Variants in NETO2 observed in about 807,000 individuals in gnomAD.
NETO2 encodes neuropilin and tolloid like 2, also known as neuropilin and tolloid-like protein 2.
NETO2 carries 28 observed loss-of-function variants against 62.5 expected under a neutral mutation model. The ratio of observed to expected loss-of-function variants is 0.45; its 90% CI spans 0.33 to 0.61. NETO2 has a LOEUF of 0.61. Among genes scored for constraint, NETO2 ranks in the 20% least tolerant of loss-of-function variants. NETO2 has a pLI of 0.02. For missense variants in NETO2, 548 were observed against 643.2 expected (o/e 0.85, Z 1.60); for synonymous variants, 214 against 219.1 (o/e 0.98, Z 0.21).
chr16:47,099,382 A>G (rs1405507530), intron 7 of NETO2, among the ~76,000 whole-genome samples: 1 of 152,190 alleles, frequency 6.6e-6, no homozygotes, highest in Non-Finnish European at 1.5e-5. Context: ...GACCATTGAC[A>G]CTATGAAGAA....
chr16:47,138,562 G>C (rs1964402546), intron 1 of NETO2, among the ~76,000 whole-genome samples: 1 of 152,186 alleles, frequency 6.6e-6, no homozygotes, highest in African/African-American at 2.4e-5. Flanking sequence ...CAGGAAACTG[G>C]TAAATAGTCT....
At chr16:47,134,842 C>T (rs971483577) in intron 1 of NETO2, among the ~76,000 whole-genome samples, 1 of 152,154 alleles carries the variant, frequency 6.6e-6, no homozygotes, top group African/African-American at 2.4e-5. Context: ...ATGAAATTTG[C>T]ACAGAATACA....
chr16:47,128,244 A>T, intron 4 of NETO2, 81 bp downstream of exon 4: 1 of 1,484,238 alleles, frequency 6.7e-7, no homozygotes, highest in Non-Finnish European at 9.0e-7. Context: ...TGACCAAATT[A>T]ATCTCTTTTC....
In NETO2 at chr16:47,083,376, T is replaced by C; in HGVS notation, c.1423A>G (p.Asn475Asp). The C allele has an allele frequency of 6.2e-7, 1 of 1,614,260 alleles. No homozygotes were observed. Among genetic ancestry groups the C allele is most frequent in the Non-Finnish European group, 8.5e-7 (1 of 1,180,042 alleles). ...TAACTACTTTTCTTGAAGGTGCTATTAAATGTTTTCATTGGCTGTGGTTGT... is the reference window on the plus strand; with the variant it reads ...TAACTACTTTTCTTGAAGGTGCTATCAAATGTTTTCATTGGCTGTGGTTGT... ...FAQPQPMKTF[N>D]STFKKSSYTF... The change falls in exon 9 of 9, where the codon AAT (asparagine) becomes GAT (aspartate). Residue 475 changes from asparagine (N) to aspartate (D), a missense_variant. Asn to Asp is a conservative substitution (Grantham distance 23, BLOSUM62 1). Transcript: ENST00000562435.
At chr16:47,103,519 C>A (rs893087669) in intron 7 of NETO2, among the ~76,000 whole-genome samples, 5 of 151,942 alleles carry the variant, frequency 3.3e-5, no homozygotes, top group African/African-American at 9.7e-5. Flanking sequence ...TCTATGAGGC[C>A]AGAACTAGTT....
chr16:47,131,136 C>A (rs1321140731), intron 2 of NETO2, among the ~76,000 whole-genome samples: 1 of 151,026 alleles, frequency 6.6e-6, no homozygotes, highest in African/African-American at 2.4e-5. Flanking sequence ...TAATGTAAAT[C>A]CTGAATACTG....
chr16:47,107,773 T>C (rs1045840376), intron 7 of NETO2, among the ~76,000 whole-genome samples: 5 of 152,184 alleles, frequency 3.3e-5, no homozygotes, highest in Non-Finnish European at 7.4e-5. Flanking sequence ...GTTAGTATCA[T>C]AGAAAACAAT....
chr16:47,083,191 C>T lies in NETO2; in HGVS notation c.*30G>A. ...CCTGGAGGCTGCGTACGTACACACC[C>T]TAAGAATTCACATCACCATTAGCAG... On this transcript the variant is annotated 3_prime_UTR_variant, in exon 9 of 9. Transcript: ENST00000562435. 12 of 1,574,996 alleles carry T rather than the reference C, an allele frequency of 7.6e-6. No homozygotes were observed. Among genetic ancestry groups the T allele is most frequent in the Non-Finnish European group, 1.0e-5 (12 of 1,158,294 alleles).
intron 7 of NETO2, among the ~76,000 whole-genome samples, chr16:47,100,140 C>G (rs375250507): frequency 6.6e-6 from 1 of 152,158 alleles, no homozygotes; most frequent in Non-Finnish European, 1.5e-5. Context: ...CAAATTAGAA[C>G]TCAGGATTAA....
In NETO2 at chr16:47,079,653, T is replaced by C. The variant is rs1963029045; in HGVS notation, c.*3568A>G. The C allele has an allele frequency of 6.6e-6, 1 of 152,266 alleles. No homozygotes were observed. 9.4% of individuals were successfully genotyped at this position (152,266 alleles called of 1,614,324 possible). A position where few individuals can be genotyped will look rare whatever the true frequency, so the allele number is the denominator to read the frequency against. On this transcript the variant is annotated 3_prime_UTR_variant, in exon 9 of 9. Transcript: ENST00000562435. ...GAGACACTGGTGCTGAGTTCACTTC[T>C]GTGGGCTTCAGTCTTCTCATTCATA...
chr16:47,112,381 C>T (rs140517929), intron 6 of NETO2, among the ~76,000 whole-genome samples: 146 of 152,250 alleles, frequency 9.6e-4, no homozygotes, highest in Non-Finnish European at 1.3e-3. Flanking sequence ...TTTTTTTAGA[C>T]AGAATCTCAC....
chr16:47,135,351 C>T (rs1378519668), intron 1 of NETO2, among the ~76,000 whole-genome samples: 1 of 152,080 alleles, frequency 6.6e-6, no homozygotes, highest in Non-Finnish European at 1.5e-5. Context: ...TACAGGAAGA[C>T]CTCACACTTT....
rs1248889535 is a variant in NETO2 at position 47,137,737 on chromosome 16, A to G, written c.35-5712T>C. Among the ~76,000 whole-genome samples the G allele has an allele frequency of 2.0e-5, 3 of 152,216 alleles. No homozygotes were observed. In the East Asian group the frequency reaches 5.8e-4, roughly 29 times the overall value. ...GACTTTTCACTTCTGATCATTCAAC[A>G]GCTCTCCATCTGTTTTTTAATTTTT... On this transcript the variant is annotated intron_variant, in intron 1 of 8. Transcript: ENST00000562435.
At chr16:47,114,452 T>C (rs1228212039) in intron 6 of NETO2, among the ~76,000 whole-genome samples, 10 of 123,478 alleles carry the variant, frequency 8.1e-5, no homozygotes, top group African/African-American at 1.6e-4. Context: ...TTTTTTTTTT[T>C]TTTTTTTTTT....
At chr16:47,111,062 C>T (rs973771468) in intron 6 of NETO2, among the ~76,000 whole-genome samples, 3 of 152,176 alleles carry the variant, frequency 2.0e-5, no homozygotes, top group Non-Finnish European at 4.4e-5. Flanking sequence ...CATTAGTTTT[C>T]CATCACTTAT....
rs1964520942 is a variant in NETO2 at position 47,143,892 on chromosome 16, C to T, written c.-280G>A. The T allele has an allele frequency of 8.9e-6, 2 of 224,450 alleles. No homozygotes were observed. The highest frequency in any genetic ancestry group is 2.0e-4 in the East Asian group (2 of 9,778). The allele number at this position is 224,450 out of a possible 1,614,324, so 13.9% of individuals were successfully genotyped here. A position where few individuals can be genotyped will look rare whatever the true frequency, so the allele number is the denominator to read the frequency against. ...AGGGCCGAGGAGTGCGGACGCGCGG[C>T]GCGGGACCGGCAGGCAGCTCCGCCC... On this transcript the variant is annotated 5_prime_UTR_variant, in exon 1 of 9. Transcript: ENST00000562435.
intron 1 of NETO2, among the ~76,000 whole-genome samples, chr16:47,142,887 C>T (rs1964488489): frequency 1.3e-5 from 2 of 152,304 alleles, no homozygotes; most frequent in Middle Eastern, 6.8e-3. Context: ...CGAACACCAG[C>T]GGCGGGGAAT....
chr16:47,086,381 A>T, intron 7 of NETO2, 42 bp from the exon 8 acceptor site: 1 of 1,312,464 alleles, frequency 7.6e-7, no homozygotes, highest in Non-Finnish European at 1.1e-6. Context: ...CAGGCAGACC[A>T]CCTGATTTTA....
Position 47,083,216 on chromosome 16 carries a change from G to C in NETO2, c.*5C>G. On this transcript the variant is annotated 3_prime_UTR_variant, in exon 9 of 9. Coordinates refer to ENST00000562435, the MANE Select transcript of NETO2 (RefSeq NM_018092.5). ...CTAAGAATTCACATCACCATTAGCAGAAGATTAGAAGTCAATGGATATGGA... is the reference window on the plus strand; with the variant it reads ...CTAAGAATTCACATCACCATTAGCACAAGATTAGAAGTCAATGGATATGGA... 6.3e-7 allele frequency: 1 copy of C among 1,598,748 alleles called. No homozygotes were observed. Among genetic ancestry groups the C allele is most frequent in the South Asian group, 1.1e-5 (1 of 88,444 alleles).
Sources: gnomAD v4.1 joint callset for allele counts (sites outside exome capture counted in the v4.1 genomes callset) on GRCh38, gnomAD v4.1.1 for gene constraint, MANE v1.5 for transcripts, NCBI Gene and HGNC (gene_info 2026-07-23, HGNC 2026-07-21) for gene names.